The following ARHGAP35 variants were observed in gnomAD, a reference collection of about 807,000 sequenced individuals.
ARHGAP35 encodes Rho GTPase activating protein 35, also known as rho GTPase-activating protein 35.
A neutral mutation model predicts 111.1 loss-of-function variants in ARHGAP35; 15 were observed. The observed-to-expected ratio is 0.13, with a 90% CI of 0.09 to 0.21. ARHGAP35 has a LOEUF of 0.21. Among genes scored for constraint, ARHGAP35 ranks in the 10% least tolerant of loss-of-function variants. The pLI is 1.00. For missense variants in ARHGAP35, 1,262 were observed against 1,873.0 expected (o/e 0.67, Z 6.02); for synonymous variants, 643 against 710.3 (o/e 0.91, Z 1.51).
intron 3 of ARHGAP35, among the ~76,000 whole-genome samples, chr19:46,967,372 C>A (rs1025735711): frequency 2.0e-5 from 3 of 152,132 alleles, no homozygotes; most frequent in Admixed American, 1.3e-4. Flanking sequence ...GGGAGGGGGT[C>A]TCTCCCTTGT....
chr19:47,000,533 C>T lies in ARHGAP35; in HGVS notation c.4345C>T (p.Pro1449Ser). 6.2e-7 allele frequency: 1 copy of T among 1,613,484 alleles called. No individual in the cohort carries two copies. The highest frequency in any genetic ancestry group is 8.5e-7 in the Non-Finnish European group (1 of 1,179,856). Residue 1449 changes from proline to serine, a missense_variant, in exon 7 of 7, where the codon CCC becomes TCC. This residue lies in a region of ARHGAP35 where 75 missense variants were observed against 87.0 expected (regional missense o/e 0.86). Transcript: ENST00000672722. The surrounding 1 kb of genome is among the most constrained non-coding windows in gnomAD (Gnocchi z 6.9). ...RPITEPPGAR[P>S]SSPSAVASTV... ...CATCACCGAGCCCCCCGGCGCCAGG[C>T]CCAGCTCCCCCTCTGCCGTGGCTTC...
chr19:46,975,631 C>CAGA (rs111946095), intron 3 of ARHGAP35, among the ~76,000 whole-genome samples: 36,918 of 152,078 alleles, frequency 0.24, 4,678 homozygotes, highest in Middle Eastern at 0.29. Context: ...AGGCCGTTCA[C>CAGA]AGCCCATCAG....
chr19:46,862,647 G>A (rs1430991587), intron 1 of ARHGAP35, among the ~76,000 whole-genome samples: 2 of 151,806 alleles, frequency 1.3e-5, no homozygotes, highest in Non-Finnish European at 2.9e-5. Flanking sequence ...CGGCTCCTTC[G>A]GAGCTGTCCA....
At chr19:46,927,037 T>C (rs939572420) in intron 2 of ARHGAP35, among the ~76,000 whole-genome samples, 2 of 152,214 alleles carry the variant, frequency 1.3e-5, no homozygotes, top group Non-Finnish European at 2.9e-5. Flanking sequence ...TCAGAAATAG[T>C]CCTACTCAAT....
intron 3 of ARHGAP35, among the ~76,000 whole-genome samples, chr19:46,969,410 TTG>T (rs1439604943): frequency 6.6e-6 from 1 of 152,254 alleles, no homozygotes; most frequent in African/African-American, 2.4e-5. Flanking sequence ...TGTGTTCTTT[TTG>T]AGGTGGGTCC....
In ARHGAP35 at chr19:47,003,404, GCCC is replaced by G. The variant is rs2056758715; in HGVS notation, c.*2717_*2719del. 1 of 152,324 alleles carries G rather than the reference GCCC, an allele frequency of 6.6e-6. No individual in the cohort carries two copies. Among genetic ancestry groups the G allele is most frequent in the Non-Finnish European group, 1.5e-5 (1 of 68,128 alleles). 9.4% of individuals were successfully genotyped at this position (152,324 alleles called of 1,614,324 possible). A position where few individuals can be genotyped will look rare whatever the true frequency, so the allele number is the denominator to read the frequency against. ...ATGGGGACGTGGGGCAGCCACCCCT[GCCC>G]AGCGAGAGCGCAGACACCGTGTGAG... On this transcript the variant is annotated 3_prime_UTR_variant, in exon 7 of 7. Coordinates refer to ENST00000672722, the MANE Select transcript of ARHGAP35 (RefSeq NM_004491.5).
In ARHGAP35 at chr19:46,920,205, T is replaced by C. The variant is rs867491372; in HGVS notation, c.1530T>C (p.Ala510=). Residue 510 remains alanine, a synonymous_variant, in exon 2 of 7, where the codon GCT becomes GCC. Transcript: ENST00000672722. This position sits in a 1 kb window ranked among gnomAD's most constrained non-coding sequence, Gnocchi z 7.0. The part of the protein sequence containing the change: ...SELFYELELD[A]KPSKEKMGVI... ...TGTTTTATGAACTGGAGCTGGATGCTAAGCCCAGCAAGGAGAAGATGGGTG... is the reference window on the plus strand; with the variant it reads ...TGTTTTATGAACTGGAGCTGGATGCCAAGCCCAGCAAGGAGAAGATGGGTG... 2.5e-6 allele frequency: 4 copies of C among 1,613,832 alleles called. No homozygotes were observed. The Admixed American group carries it at 6.7e-5, about 27-fold the overall frequency.
Position 46,921,604 on chromosome 19 carries a change from C to G in ARHGAP35, c.2929C>G (p.Leu977Val). 1 of 1,614,006 alleles carries G rather than the reference C, an allele frequency of 6.2e-7. No homozygotes were observed. Among genetic ancestry groups the G allele is most frequent in the Non-Finnish European group, 8.5e-7 (1 of 1,179,890 alleles). Reference protein sequence around the residue: ...VFNSPRAGSPLCNSNLQDSEE... With the variant: ...VFNSPRAGSPVCNSNLQDSEE... ...TAACTCCCCCCGGGCAGGATCACCG[C>G]TCTGCAACTCAAACCTGCAGGATTC... is the stretch of plus-strand genomic sequence containing the variant. The change falls in exon 2 of 7, where the codon CTC becomes GTC. Residue 977 changes from leucine (L) to valine (V), a missense_variant. Leu to Val is a conservative substitution (Grantham distance 32). This residue lies in a region of ARHGAP35 where 579 missense variants were observed against 716.9 expected (regional missense o/e 0.81). Coordinates refer to ENST00000672722, the MANE Select transcript of ARHGAP35 (RefSeq NM_004491.5). The surrounding 1 kb of genome is among the most constrained non-coding windows in gnomAD (Gnocchi z 4.3).
intron 1 of ARHGAP35, among the ~76,000 whole-genome samples, chr19:46,874,694 G>A (rs895591200): frequency 1.3e-5 from 2 of 150,914 alleles, no homozygotes; most frequent in African/African-American, 4.9e-5. Flanking sequence ...TGATAGAGAC[G>A]GAGTTTCACC....
At chr19:46,871,851 G>T (rs191408720) in intron 1 of ARHGAP35, among the ~76,000 whole-genome samples, 6 of 151,872 alleles carry the variant, frequency 4.0e-5, no homozygotes, top group Admixed American at 1.3e-4. Context: ...ATGGTGGCGG[G>T]TGCCTGTAAT....
At chr19:46,983,806 G>A (rs991933979) in intron 3 of ARHGAP35, among the ~76,000 whole-genome samples, 1 of 151,690 alleles carries the variant, frequency 6.6e-6, no homozygotes, top group Non-Finnish European at 1.5e-5. Context: ...TAGTAGAGAC[G>A]GGGTTTCACA....
At chr19:46,910,571 C>T (rs964770375) in intron 1 of ARHGAP35, among the ~76,000 whole-genome samples, 1 of 149,822 alleles carries the variant, frequency 6.7e-6, no homozygotes, top group African/African-American at 2.5e-5. Context: ...GGATTACAGG[C>T]GTGAGCCACC....
chr19:46,952,391 C>T (rs1306757206), intron 3 of ARHGAP35, among the ~76,000 whole-genome samples: 1 of 152,164 alleles, frequency 6.6e-6, no homozygotes, highest in Non-Finnish European at 1.5e-5. Context: ...AGCCCCATAA[C>T]TAAAAAAGTT....
chr19:46,973,312 C>T (rs1019671350), intron 3 of ARHGAP35, among the ~76,000 whole-genome samples: 4 of 151,730 alleles, frequency 2.6e-5, no homozygotes, highest in African/African-American at 7.3e-5. Context: ...TGCAGTGAGT[C>T]GAGATCGTGC....
Position 46,921,902 on chromosome 19 carries a change from G to T in ARHGAP35, c.3227G>T (p.Trp1076Leu). 1 of 1,613,966 alleles carries T rather than the reference G, an allele frequency of 6.2e-7. No homozygotes were observed. The highest frequency in any genetic ancestry group is 8.5e-7 in the Non-Finnish European group (1 of 1,179,876). The stretch of plus-strand genomic sequence containing the variant: ...AGGAAGTCTGTGTCTTCTAGCCCCT[G>T]GCTGCCTCAGGATGGGTTTGATCCT... ...GQRKSVSSSP[W>L]LPQDGFDPSD... The change falls in exon 2 of 7, where the codon TGG becomes TTG. Residue 1076 changes from tryptophan to leucine, a missense_variant. Around this residue, in one of 8 missense-constraint regions of ARHGAP35, gnomAD observed 579 missense variants for 716.9 expected, o/e 0.81. Coordinates refer to ENST00000672722, the MANE Select transcript of ARHGAP35 (RefSeq NM_004491.5). The surrounding 1 kb of genome is among the most constrained non-coding windows in gnomAD (Gnocchi z 4.3).
intron 1 of ARHGAP35, among the ~76,000 whole-genome samples, chr19:46,906,986 G>A (rs1233026967): frequency 1.3e-5 from 2 of 152,080 alleles, no homozygotes; most frequent in East Asian, 1.9e-4. Flanking sequence ...CTACTCTGGC[G>A]GCTGAGGTGA....
intron 1 of ARHGAP35, among the ~76,000 whole-genome samples, chr19:46,867,788 G>A (rs542875332): frequency 6.6e-6 from 1 of 151,750 alleles, no homozygotes; most frequent in South Asian, 2.1e-4. Context: ...TTTTTTTTTG[G>A]AGATGTTTGT....
At chr19:46,942,304 T>G (rs2056351989) in intron 3 of ARHGAP35, among the ~76,000 whole-genome samples, 1 of 152,304 alleles carries the variant, frequency 6.6e-6, no homozygotes, top group Middle Eastern at 3.4e-3. Context: ...TGAGGTAAGC[T>G]AGCTTTCAAC....
rs184370616 is a variant in ARHGAP35 at position 46,917,741 on chromosome 19, T to G, written c.-188-747T>G. On this transcript the variant is annotated intron_variant, in intron 1 of 6. Transcript: ENST00000672722. ...TGTTGTTGTTGCTGTTTTGAGATAG[T>G]CTTACTCTGTTGCCCAGGCTGGAGT... Among the ~76,000 whole-genome samples the G allele has an allele frequency of 1.8e-3, 274 of 152,230 alleles. 1 individual carries two copies. The highest frequency in any genetic ancestry group is 2.9e-3 in the Non-Finnish European group (196 of 68,004).
Sources: allele counts gnomAD v4.1 joint callset (sites outside exome capture counted in the v4.1 genomes callset), GRCh38; gene constraint gnomAD v4.1.1; regional missense constraint gnomAD v4.1.1; non-coding constraint Gnocchi (gnomAD v3.1); transcripts MANE v1.5; gene names NCBI Gene and HGNC (gene_info 2026-07-23, HGNC 2026-07-21).